Variants in CSGALNACT1 observed in about 807,000 individuals in gnomAD.
The protein encoded by CSGALNACT1 is beta4GalNAcT-1.
A neutral mutation model predicts 51.0 loss-of-function variants in CSGALNACT1; 52 were observed. The ratio of observed to expected loss-of-function variants is 1.02; its 90% CI spans 0.82 to 1.29. The LOEUF (loss-of-function observed/expected upper bound fraction) is 1.29. CSGALNACT1 is among the 50% of genes most tolerant of loss of function. The probability of loss-of-function intolerance (pLI) is 0.00; values close to 1 mark genes in which losing one functional copy is unlikely to be tolerated. For synonymous variants in CSGALNACT1, 341 were observed against 254.4 expected (o/e 1.34, Z -3.24); for missense variants, 935 against 679.2 (o/e 1.38, Z -4.19).
At chr8:19,706,929 C>T (rs151042246) in intron 1 of CSGALNACT1, among the ~76,000 whole-genome samples, 1 of 152,106 alleles carries the variant, frequency 6.6e-6, no homozygotes, top group Non-Finnish European at 1.5e-5. Context: ...ACCTCTTTGG[C>T]CTCGTATCTG....
chr8:19,525,633 A>G (rs1207605457), intron 3 of CSGALNACT1, among the ~76,000 whole-genome samples: 1 of 141,930 alleles, frequency 7.0e-6, no homozygotes, highest in Non-Finnish European at 1.5e-5. Flanking sequence ...AAAAAAAAAA[A>G]AAAAAAAAAA....
chr8:19,524,999 A>T (rs2081387739), intron 3 of CSGALNACT1, among the ~76,000 whole-genome samples: 1 of 152,224 alleles, frequency 6.6e-6, no homozygotes, highest in Non-Finnish European at 1.5e-5. Context: ...CCAGCCAAGG[A>T]AATTGAGAAA....
chr8:19,409,844 C>T (rs1466879354), intron 8 of CSGALNACT1, among the ~76,000 whole-genome samples: 2 of 151,820 alleles, frequency 1.3e-5, no homozygotes, highest in South Asian at 2.1e-4. Flanking sequence ...TTCAGGCAGC[C>T]TCCTTCACTT....
intron 5 of CSGALNACT1, among the ~76,000 whole-genome samples, chr8:19,452,542 T>C (rs1586333244): frequency 6.6e-6 from 1 of 152,082 alleles, no homozygotes; most frequent in Non-Finnish European, 1.5e-5. Flanking sequence ...TGAGAGCTGA[T>C]GACATATATG....
intron 2 of CSGALNACT1, among the ~76,000 whole-genome samples, chr8:19,599,237 A>G (rs2049693586): frequency 6.6e-6 from 1 of 151,946 alleles, no homozygotes; most frequent in Admixed American, 6.6e-5. Context: ...CTTTGATAGG[A>G]GGAAAGCAAT....
At chr8:19,484,771 T>C (rs1237479123) in intron 4 of CSGALNACT1, among the ~76,000 whole-genome samples, 1 of 152,214 alleles carries the variant, frequency 6.6e-6, no homozygotes, top group East Asian at 1.9e-4. Context: ...TGTGGGCTTT[T>C]AAGTAAGTTA....
chr8:19,690,319 G>A (rs762572973), intron 1 of CSGALNACT1, among the ~76,000 whole-genome samples: 6 of 152,056 alleles, frequency 3.9e-5, no homozygotes, highest in African/African-American at 9.7e-5. Context: ...TCGTTATCCA[G>A]ATTAATTCTC....
chr8:19,489,992 A>G (rs1391532251), intron 4 of CSGALNACT1, among the ~76,000 whole-genome samples: 3 of 152,132 alleles, frequency 2.0e-5, no homozygotes, highest in East Asian at 1.9e-4. Flanking sequence ...AAAATGACCA[A>G]TTGCCTTCAT....
intron 2 of CSGALNACT1, among the ~76,000 whole-genome samples, chr8:19,599,662 G>A (rs190914946): frequency 8.1e-4 from 123 of 152,296 alleles, no homozygotes; most frequent in African/African-American, 2.9e-3. Flanking sequence ...TTGGGCAAAT[G>A]CAAAGTTATA....
intron 1 of CSGALNACT1, among the ~76,000 whole-genome samples, chr8:19,742,964 G>A (rs1232059769): frequency 6.6e-6 from 1 of 152,116 alleles, no homozygotes; most frequent in East Asian, 1.9e-4. Context: ...CAGAAACACT[G>A]GACTAGATGA....
At chr8:19,548,225 T>A (rs116465064) in intron 3 of CSGALNACT1, among the ~76,000 whole-genome samples, 1 of 152,238 alleles carries the variant, frequency 6.6e-6, no homozygotes, top group Admixed American at 6.5e-5. Context: ...ATCTGAATTC[T>A]AATGATTCTG....
At chr8:19,706,148 G>A (rs147155136) in intron 1 of CSGALNACT1, among the ~76,000 whole-genome samples, 341 of 152,170 alleles carry the variant, frequency 2.2e-3, no homozygotes, top group African/African-American at 7.8e-3. Context: ...GGATGACAAC[G>A]GGGGACAGCT....
chr8:19,472,457 T>A (rs1432169409), intron 4 of CSGALNACT1, among the ~76,000 whole-genome samples: 1 of 152,226 alleles, frequency 6.6e-6, no homozygotes, highest in Non-Finnish European at 1.5e-5. Context: ...CTGACTCACG[T>A]CCATTTTTCA....
intron 1 of CSGALNACT1, among the ~76,000 whole-genome samples, chr8:19,733,565 C>T (rs1165470261): frequency 6.6e-6 from 1 of 152,198 alleles, no homozygotes; most frequent in Non-Finnish European, 1.5e-5. Context: ...ACCTCCTCCA[C>T]AACTGCTAAG....
intron 5 of CSGALNACT1, among the ~76,000 whole-genome samples, chr8:19,448,168 G>C (rs1369293324): frequency 6.6e-6 from 1 of 152,182 alleles, no homozygotes; most frequent in African/African-American, 2.4e-5. Context: ...TGCCAGAGTA[G>C]GGGAGAGAGA....
chr8:19,728,079 C>T (rs1435782943), intron 1 of CSGALNACT1, among the ~76,000 whole-genome samples: 1 of 152,074 alleles, frequency 6.6e-6, no homozygotes, highest in Non-Finnish European at 1.5e-5. Flanking sequence ...ACCAGGCTGC[C>T]AGGGCTTAAA....
chr8:19,470,107 C>T (rs550138665), intron 4 of CSGALNACT1, among the ~76,000 whole-genome samples: 15 of 152,130 alleles, frequency 9.9e-5, no homozygotes, highest in South Asian at 4.1e-4. Flanking sequence ...GATGCAGGGA[C>T]GGAGTGAGAA....
chr8:19,681,765 A>T (rs1420096077), intron 1 of CSGALNACT1, among the ~76,000 whole-genome samples: 1 of 152,124 alleles, frequency 6.6e-6, no homozygotes. Flanking sequence ...AGGCTGGGCC[A>T]GAGTCTGGGC....
chr8:19,564,883 G>C (rs2975450), intron 3 of CSGALNACT1, among the ~76,000 whole-genome samples: 1 of 152,148 alleles, frequency 6.6e-6, no homozygotes, highest in African/African-American at 2.4e-5. Flanking sequence ...CAAGCTCCTA[G>C]AACAGTGCCA....
Sources: gnomAD v4.1 joint callset for allele counts (sites outside exome capture counted in the v4.1 genomes callset) on GRCh38, gnomAD v4.1.1 for gene constraint, MANE v1.5 for transcripts, NCBI Gene and HGNC (gene_info 2026-07-23, HGNC 2026-07-21) for gene names.